The following ATP8A2 variants were observed in gnomAD, a reference collection of about 807,000 sequenced individuals.
The protein encoded by ATP8A2 is phospholipid-transporting ATPase IB.
In ATP8A2, 100 loss-of-function variants were observed where a neutral mutation model predicts 165.6. The ratio of observed to expected loss-of-function variants is 0.60; its 90% CI spans 0.51 to 0.71. ATP8A2 has a LOEUF of 0.71. Ranked by LOEUF, ATP8A2 falls within the 30% of genes least tolerant of loss-of-function variation. ATP8A2 has a pLI of 0.00. For synonymous variants in ATP8A2, 543 were observed against 548.8 expected (o/e 0.99, Z 0.15); for missense variants, 1,227 against 1,479.5 (o/e 0.83, Z 2.80).
At chr13:25,531,669 C>T (rs548445062) in intron 4 of ATP8A2, among the ~76,000 whole-genome samples, 5 of 151,856 alleles carry the variant, frequency 3.3e-5, no homozygotes, top group East Asian at 1.9e-4. Context: ...TTTTGCATGC[C>T]GACATGATGC....
chr13:26,000,348 AT>A (rs1956608278), intron 35 of ATP8A2, among the ~76,000 whole-genome samples: 1 of 152,142 alleles, frequency 6.6e-6, no homozygotes, highest in Admixed American at 6.5e-5. Context: ...ATTTGGAGTT[AT>A]TTGCTGTGTA....
chr13:25,643,872 A>C (rs1474272781), intron 24 of ATP8A2, among the ~76,000 whole-genome samples: 1 of 151,864 alleles, frequency 6.6e-6, no homozygotes, highest in Non-Finnish European at 1.5e-5. Context: ...AACAATATTA[A>C]TTATTCCTGT....
At chr13:25,995,079 G>A (rs1001076575) in intron 35 of ATP8A2, among the ~76,000 whole-genome samples, 2 of 151,862 alleles carry the variant, frequency 1.3e-5, no homozygotes, top group African/African-American at 4.8e-5. Flanking sequence ...TCAAGGAATT[G>A]GTCCATTTCA....
At chr13:25,426,378 T>C (rs2034449050) in intron 1 of ATP8A2, among the ~76,000 whole-genome samples, 1 of 152,056 alleles carries the variant, frequency 6.6e-6, no homozygotes, top group African/African-American at 2.4e-5. Flanking sequence ...AACTCACTCA[T>C]TAGCATGAGG....
At chr13:25,889,818 G>GTT (rs779502719) in intron 33 of ATP8A2, among the ~76,000 whole-genome samples, 5 of 151,488 alleles carry the variant, frequency 3.3e-5, no homozygotes, top group Non-Finnish European at 7.4e-5. Context: ...TGGTCTGAAG[G>GTT]TTTTTTTTCC....
intron 18 of ATP8A2, 65 bp downstream of exon 18, chr13:25,571,757 G>A (rs774333168): frequency 7.5e-7 from 1 of 1,329,322 alleles, no homozygotes; most frequent in South Asian, 1.2e-5. Flanking sequence ...GTGTGAAATG[G>A]CATGTCTATT....
In ATP8A2 at chr13:25,830,726, G is replaced by A. The variant is rs147102216; in HGVS notation, c.2754+2534G>A. On this transcript the variant is annotated intron_variant, in intron 28 of 36. Transcript: ENST00000381655. ...ACAGTAATTAGCATTTCCACCAATT[G>A]CATTCTCTTTCTCCATACTTGTACG... is the stretch of plus-strand genomic sequence containing the variant. Among the ~76,000 whole-genome samples, 275 of 152,230 alleles carry A rather than the reference G, an allele frequency of 1.8e-3. 1 individual carries two copies. The highest frequency in any genetic ancestry group is 6.3e-3 in the African/African-American group (263 of 41,550).
At chr13:25,658,465 C>T (rs2041980817) in intron 24 of ATP8A2, among the ~76,000 whole-genome samples, 1 of 152,038 alleles carries the variant, frequency 6.6e-6, no homozygotes, top group South Asian at 2.1e-4. Context: ...TGGTGAAACC[C>T]CCGTCTCTAC....
At chr13:25,980,883 T>C (rs1190624774) in intron 35 of ATP8A2, among the ~76,000 whole-genome samples, 1 of 152,138 alleles carries the variant, frequency 6.6e-6, no homozygotes, top group Non-Finnish European at 1.5e-5. Context: ...ACCTGGTTTC[T>C]AAAAATAAAG....
chr13:25,649,020 A>AT, intron 24 of ATP8A2: 1 of 508,728 alleles, frequency 2.0e-6, no homozygotes, highest in Non-Finnish European at 3.9e-6. Context: ...ATTAGGGTCA[A>AT]TTTTTGGAGC....
At chr13:25,924,970 A>G (rs1487990518) in intron 33 of ATP8A2, among the ~76,000 whole-genome samples, 3 of 152,196 alleles carry the variant, frequency 2.0e-5, no homozygotes, top group Non-Finnish European at 2.9e-5. Context: ...CGTAACTGTG[A>G]GTCCGTTAAA....
At chr13:25,548,328 A>G (rs1411673143) in intron 10 of ATP8A2, among the ~76,000 whole-genome samples, 2 of 152,242 alleles carry the variant, frequency 1.3e-5, no homozygotes, top group African/African-American at 4.8e-5. Flanking sequence ...TTGGCTTTCC[A>G]CAAAGTGCAC....
At position 25,916,476 on chromosome 13, in the gene ATP8A2, G is replaced by C. The variant is rs190620414; in HGVS notation, c.3184-45099G>C. 2.6e-5 allele frequency among the ~76,000 whole-genome samples: 4 copies of C among 152,344 alleles called. No individual in the cohort carries two copies. The East Asian group carries it at 7.7e-4, about 29-fold the overall frequency. On this transcript the variant is annotated intron_variant, in intron 33 of 36. Coordinates refer to ENST00000381655, the MANE Select transcript of ATP8A2 (RefSeq NM_016529.6). ...GCTGCGTGCATTTTCACAGGTTGCTGTCTTGCAGGCGAGTCAACCTTTAGC... is the reference window on the plus strand; with the variant it reads ...GCTGCGTGCATTTTCACAGGTTGCTCTCTTGCAGGCGAGTCAACCTTTAGC...
chr13:25,736,664 C>CAGT (rs2043776376), intron 25 of ATP8A2, among the ~76,000 whole-genome samples: 1 of 152,134 alleles, frequency 6.6e-6, no homozygotes, highest in Non-Finnish European at 1.5e-5. Flanking sequence ...TTCCCATGGA[C>CAGT]AGTACATGAA....
intron 30 of ATP8A2, among the ~76,000 whole-genome samples, chr13:25,844,077 T>C (rs1305988005): frequency 6.6e-6 from 1 of 152,082 alleles, no homozygotes; most frequent in Non-Finnish European, 1.5e-5. Flanking sequence ...ATGGGAATTA[T>C]TTTAGTGGGA....
chr13:25,766,926 A>G (rs999374605), intron 25 of ATP8A2, among the ~76,000 whole-genome samples: 5 of 152,208 alleles, frequency 3.3e-5, no homozygotes, highest in African/African-American at 1.2e-4. Context: ...ATACATCACA[A>G]CCATCCCATG....
chr13:25,542,185 T>G lies in ATP8A2; in HGVS notation c.779+139T>G, dbSNP rs2038500395. ...ATACCCTTTCAATTAATTTAAAGCC[T>G]TCCTTAGATTTAAGAAAAAAACCCT... On this transcript the variant is annotated intron_variant, in intron 9 of 36. Transcript: ENST00000381655. 9.5e-6 allele frequency: 9 copies of G among 945,232 alleles called. No individual in the cohort carries two copies. In the East Asian group the frequency reaches 2.4e-4, roughly 25 times the overall value. 58.6% of individuals were successfully genotyped at this position (945,232 alleles called of 1,614,324 possible). A position where few individuals can be genotyped will look rare whatever the true frequency, so the allele number is the denominator to read the frequency against.
At chr13:25,934,086 A>T (rs1954828259) in intron 33 of ATP8A2, among the ~76,000 whole-genome samples, 1 of 152,240 alleles carries the variant, frequency 6.6e-6, no homozygotes, top group South Asian at 2.1e-4. Flanking sequence ...GGTTTACCTG[A>T]TGCTAACTTA....
At chr13:25,985,378 G>T (rs779943841) in intron 35 of ATP8A2, among the ~76,000 whole-genome samples, 32 of 152,190 alleles carry the variant, frequency 2.1e-4, no homozygotes, top group African/African-American at 7.7e-4. Context: ...GTCACCCCAC[G>T]CATATACTCA....
Sources: gnomAD v4.1 joint callset for allele counts (sites outside exome capture counted in the v4.1 genomes callset) on GRCh38, gnomAD v4.1.1 for gene constraint, MANE v1.5 for transcripts, NCBI Gene and HGNC (gene_info 2026-07-23, HGNC 2026-07-21) for gene names.